ADD2: variants seen among roughly 807,000 people sequenced by gnomAD.
ADD2 encodes the protein adducin 2.
Under a neutral mutation model 83.0 loss-of-function variants are expected in ADD2, and 23 were observed. The observed-to-expected ratio is 0.28, with a 90% CI of 0.20 to 0.39. The LOEUF (loss-of-function observed/expected upper bound fraction) is 0.39, where lower values mean the gene tolerates loss of function less well. Among genes scored for constraint, ADD2 ranks in the 10% least tolerant of loss-of-function variants. ADD2 has a pLI of 1.00. For synonymous variants in ADD2, 375 were observed against 375.4 expected (o/e 1.00, Z 0.01); for missense variants, 758 against 944.9 (o/e 0.80, Z 2.59).
intron 1 of ADD2, among the ~76,000 whole-genome samples, chr2:70,743,556 GCT>G (rs1674030854): frequency 6.6e-6 from 1 of 152,144 alleles, no homozygotes; most frequent in African/African-American, 2.4e-5. Context: ...AGAAGAAAAT[GCT>G]CTTTCTTCTC....
intron 11 of ADD2, among the ~76,000 whole-genome samples, 179 bp from the exon 12 acceptor site, chr2:70,678,056 C>T (rs1670266348): frequency 2.0e-5 from 3 of 152,212 alleles, no homozygotes; most frequent in Non-Finnish European, 2.9e-5. Flanking sequence ...AGAATGGCAA[C>T]AGATGACCCA....
intron 1 of ADD2, among the ~76,000 whole-genome samples, chr2:70,727,628 C>T (rs1673072613): frequency 2.0e-5 from 3 of 152,154 alleles, no homozygotes; most frequent in African/African-American, 7.2e-5. Flanking sequence ...GGCGCGGTGG[C>T]TCATGCCTAT....
chr2:70,731,393 T>C (rs1326043880), intron 1 of ADD2, among the ~76,000 whole-genome samples: 1 of 152,130 alleles, frequency 6.6e-6, no homozygotes, highest in Non-Finnish European at 1.5e-5. Flanking sequence ...ACAAAGGAAA[T>C]GGCAAAGACC....
intron 1 of ADD2, among the ~76,000 whole-genome samples, chr2:70,756,021 T>G (rs1440522576): frequency 1.4e-5 from 2 of 146,834 alleles, no homozygotes; most frequent in Admixed American, 1.4e-4. Flanking sequence ...ATCACGCCAT[T>G]GCACTCCAGC....
intron 6 of ADD2, 106 bp from the exon 7 acceptor site, chr2:70,692,658 T>G (rs934472162): frequency 8.1e-6 from 10 of 1,233,536 alleles, no homozygotes; most frequent in Non-Finnish European, 1.1e-5. Context: ...TCTTCACACA[T>G]TCCAGACACC....
intron 12 of ADD2, among the ~76,000 whole-genome samples, chr2:70,677,431 A>G (rs1670217244): frequency 6.6e-6 from 1 of 152,374 alleles, no homozygotes; most frequent in South Asian, 2.1e-4. Context: ...AAAAGTCCGG[A>G]AACAAACACA....
At chr2:70,704,525 T>G in intron 3 of ADD2, 66 bp from the exon 4 acceptor site, 102 of 1,574,500 alleles carry the variant, frequency 6.5e-5, no homozygotes, top group Non-Finnish European at 7.9e-5. Flanking sequence ...CAATGAGCTC[T>G]TCCAAGTGCC....
chr2:70,740,391 T>C (rs1673823327), intron 1 of ADD2, among the ~76,000 whole-genome samples: 1 of 152,188 alleles, frequency 6.6e-6, no homozygotes, highest in South Asian at 2.1e-4. Context: ...ATCGGTTGAC[T>C]AATTAGACTT....
chr2:70,714,547 G>C (rs782270700), intron 1 of ADD2, among the ~76,000 whole-genome samples: 1 of 152,236 alleles, frequency 6.6e-6, no homozygotes, highest in Non-Finnish European at 1.5e-5. Context: ...CAGTCCTGAT[G>C]CTCGCCCATC....
In ADD2 at chr2:70,704,407, T is replaced by C; in HGVS notation, c.236A>G (p.Asn79Ser). 6.2e-7 allele frequency: 1 copy of C among 1,614,136 alleles called. No homozygotes were observed. The highest frequency in any genetic ancestry group is 1.3e-5 in the African/African-American group (1 of 75,034). Residue 79 changes from asparagine (N) to serine (S), a missense_variant, in exon 4 of 16, where the codon AAC (asparagine) becomes AGC (serine). Asn to Ser is a conservative substitution (Grantham distance 46, BLOSUM62 1). Around this residue, in one of 5 missense-constraint regions of ADD2, gnomAD observed 175 missense variants for 192.1 expected, o/e 0.91. Coordinates refer to ENST00000264436, the MANE Select transcript of ADD2 (RefSeq NM_001617.4). The part of the protein sequence containing the change: ...GLIQEQMKKG[N>S]NSSNIWALRQ... ...CAGGGCCCAGATGTTGGAGGAGTTGTTCCCCTTCTTCATCTGCTCCTGGAT... is the reference window on the plus strand; with the variant it reads ...CAGGGCCCAGATGTTGGAGGAGTTGCTCCCCTTCTTCATCTGCTCCTGGAT...
chr2:70,717,133 A>G (rs907326971), intron 1 of ADD2, among the ~76,000 whole-genome samples: 2 of 151,836 alleles, frequency 1.3e-5, no homozygotes, highest in African/African-American at 2.4e-5. Context: ...TGGCAAGCTC[A>G]CTTCCTCACA....
At chr2:70,673,121 A>C in intron 14 of ADD2, 115 bp from the exon 15 acceptor site, 1 of 1,537,370 alleles carries the variant, frequency 6.5e-7, no homozygotes, top group East Asian at 2.3e-5. Context: ...CTCCTGGCTG[A>C]TAATGAGACT....
At chr2:70,759,120 T>C (rs564476884) in intron 1 of ADD2, among the ~76,000 whole-genome samples, 1 of 152,288 alleles carries the variant, frequency 6.6e-6, no homozygotes, top group South Asian at 2.1e-4. Context: ...AAAGTTTTTT[T>C]CAGCCACTTC....
At chr2:70,763,652 A>T (rs1675229933) in intron 1 of ADD2, among the ~76,000 whole-genome samples, 2 of 152,076 alleles carry the variant, frequency 1.3e-5, no homozygotes, top group South Asian at 4.1e-4. Context: ...TAAAATATCA[A>T]AGTAATAAAA....
intron 1 of ADD2, among the ~76,000 whole-genome samples, chr2:70,763,198 G>A (rs1313369971): frequency 1.3e-5 from 2 of 151,972 alleles, no homozygotes; most frequent in African/African-American, 2.4e-5. Flanking sequence ...TTCCTATGTA[G>A]TTTATCTTGG....
chr2:70,698,779 G>T (rs2104355000), intron 4 of ADD2, among the ~76,000 whole-genome samples: 1 of 152,186 alleles, frequency 6.6e-6, no homozygotes, highest in South Asian at 2.1e-4. Context: ...AAGTTAGGAT[G>T]GCTAAATGTC....
rs78765764 is a variant in ADD2 at position 70,736,493 on chromosome 2, G to C, written c.-153-23309C>G. ...TGACTTAGAATTTTTAAGTATTTTTGCAAAATGACCCTCCAGGTTTCATGG... is the reference window on the plus strand; with the variant it reads ...TGACTTAGAATTTTTAAGTATTTTTCCAAAATGACCCTCCAGGTTTCATGG... On this transcript the variant is annotated intron_variant, in intron 1 of 15. Transcript: ENST00000264436. Among the ~76,000 whole-genome samples, 360 of 152,214 alleles carry C rather than the reference G, an allele frequency of 2.4e-3. 2 individuals are homozygous for C. The highest frequency in any genetic ancestry group is 8.3e-3 in the African/African-American group (346 of 41,524).
rs376988741 is a variant in ADD2, at chr2:70,696,323, G to A, written c.396C>T (p.Leu132=). The change falls in exon 5 of 16, where the codon CTC becomes CTT. Residue 132 remains leucine, a synonymous_variant. Transcript: ENST00000264436. ...AGACACTGCTGATCTTGCACCGCAT[G>A]AGCCGCTCCCCTTTGGCCAGGTTCA... is the stretch of plus-strand genomic sequence containing the variant. ...DSLNLAKGER[L]MRCKISSVYR... The A allele has an allele frequency of 1.1e-4, 175 of 1,614,090 alleles. No homozygotes were observed. In the Admixed American group the frequency reaches 1.2e-3, roughly 11 times the overall value.
chr2:70,692,981 C>T (rs1671129354), intron 6 of ADD2, among the ~76,000 whole-genome samples: 2 of 152,064 alleles, frequency 1.3e-5, no homozygotes, highest in African/African-American at 4.8e-5. Flanking sequence ...AGTCTTTCAT[C>T]CCATCAGAAA....
Sources: gnomAD v4.1 joint callset for allele counts (sites outside exome capture counted in the v4.1 genomes callset) on GRCh38, gnomAD v4.1.1 for gene constraint, gnomAD v4.1.1 regional missense constraint, MANE v1.5 for transcripts, NCBI Gene and HGNC (gene_info 2026-07-23, HGNC 2026-07-21) for gene names.